Variants in ARHGEF33 observed in about 807,000 individuals in gnomAD.
ARHGEF33 encodes the protein Rho guanine nucleotide exchange factor 33, also known as DH and coiled-coil domain-containing protein ENSP00000381780.
In ARHGEF33, 72 loss-of-function variants were observed where a neutral mutation model predicts 101.9. The ratio of observed to expected loss-of-function variants is 0.71; its 90% CI spans 0.58 to 0.86. The LOEUF (loss-of-function observed/expected upper bound fraction) is 0.86, where lower values mean the gene tolerates loss of function less well. Ranked by LOEUF, ARHGEF33 falls within the 40% of genes least tolerant of loss-of-function variation. ARHGEF33 has a pLI of 0.00. For synonymous variants in ARHGEF33, 499 were observed against 442.5 expected, an observed-to-expected ratio of 1.13 and a Z score of -1.60; for missense variants, 1,169 against 1,111.3, an observed-to-expected ratio of 1.05 and a Z score of -0.74.
chr2:38,938,377 A>G (rs75254391), intron 9 of ARHGEF33, among the ~76,000 whole-genome samples: 3,846 of 152,244 alleles, frequency 0.025, 185 homozygotes, highest in African/African-American at 0.088. Context: ...TCTACAAAAA[A>G]TAAAAAAACA....
chr2:38,937,182 GA>G, intron 8 of ARHGEF33, 152 bp from the exon 9 acceptor site: 5 of 584,938 alleles, frequency 8.5e-6, no homozygotes, highest in East Asian at 2.8e-5. Flanking sequence ...TTTTAGTAGA[GA>G]CAGGGTTTCA....
Position 38,943,966 on chromosome 2 carries a change from C to G in ARHGEF33, c.856C>G (p.Leu286Val), listed in dbSNP as rs1357298075. 6.4e-7 allele frequency: 1 copy of G among 1,551,644 alleles called. No homozygotes were observed. Among genetic ancestry groups the G allele is most frequent in the Admixed American group, 2.0e-5 (1 of 50,980 alleles). ...SERKYVINIS[L>V]ILKIKATFQG... ...AAGAAAATATGTCATTAACATCTCT[C>G]TGATCTTGAAGATAAAAGCCACATT... is the stretch of plus-strand genomic sequence containing the variant. Residue 286 changes from leucine (L) to valine (V), a missense_variant, in exon 10 of 18, where the codon CTG becomes GTG. Transcript: ENST00000409978.
At chr2:38,944,678 A>G (rs1260549043) in intron 10 of ARHGEF33, among the ~76,000 whole-genome samples, 1 of 152,278 alleles carries the variant, frequency 6.6e-6, no homozygotes, top group South Asian at 2.1e-4. Context: ...CAAATGCTAC[A>G]GTGAGGGAGG....
At chr2:38,971,252 A>G (rs1002020030) in intron 17 of ARHGEF33, among the ~76,000 whole-genome samples, 13 of 152,060 alleles carry the variant, frequency 8.5e-5, no homozygotes, top group East Asian at 7.7e-4. Context: ...TGAATTTGCT[A>G]TTTTCTTTGT....
At position 38,962,082 on chromosome 2, in the gene ARHGEF33, C is replaced by T. The variant is rs1053520861; in HGVS notation, c.2343+1434C>T. Among the ~76,000 whole-genome samples the T allele has an allele frequency of 2.6e-5, 4 of 152,306 alleles. No individual in the cohort carries two copies. The East Asian group carries it at 5.8e-4, about 22-fold the overall frequency. ...GGACAAAAACATGTAATAGTGTGCT[C>T]AGCTAAAGCTGCTGAGGTTCCCTGG... On this transcript the variant is annotated intron_variant, in intron 16 of 17. Transcript: ENST00000409978.
At chr2:38,915,128 A>G (rs1468818533) in intron 2 of ARHGEF33, among the ~76,000 whole-genome samples, 1 of 152,168 alleles carries the variant, frequency 6.6e-6, no homozygotes, top group African/African-American at 2.4e-5. Flanking sequence ...CTGGGATTAC[A>G]GGCATGAGCC....
chr2:38,940,197 A>G (rs1001129311), intron 9 of ARHGEF33, among the ~76,000 whole-genome samples: 1 of 152,224 alleles, frequency 6.6e-6, no homozygotes, highest in African/African-American at 2.4e-5. Flanking sequence ...AGAACATGGT[A>G]TATCTCTTCA....
chr2:38,939,051 C>T (rs945276304), intron 9 of ARHGEF33, among the ~76,000 whole-genome samples: 1 of 152,266 alleles, frequency 6.6e-6, no homozygotes, highest in East Asian at 1.9e-4. Context: ...TGGCTCCCTG[C>T]AACATCTGCC....
chr2:38,932,124 T>A (rs372152612), intron 7 of ARHGEF33, among the ~76,000 whole-genome samples: 2 of 152,218 alleles, frequency 1.3e-5, no homozygotes, highest in East Asian at 3.9e-4. Context: ...TAATATTTTT[T>A]ATTATCATTT....
Position 38,958,074 on chromosome 2 carries a change from T to C in ARHGEF33, c.1411T>C (p.Cys471Arg). The C allele has an allele frequency of 6.4e-7, 1 of 1,552,256 alleles. No individual in the cohort carries two copies. Among genetic ancestry groups the C allele is most frequent in the South Asian group, 1.2e-5 (1 of 84,064 alleles). ...AKLYKGLASQ[C>R]ANAGQDASPT... is the part of the protein sequence containing the mutation. ...GCTGTACAAAGGGCTGGCTTCCCAGTGTGCCAATGCTGGGCAAGATGCTTC... is the reference window on the plus strand; with the variant it reads ...GCTGTACAAAGGGCTGGCTTCCCAGCGTGCCAATGCTGGGCAAGATGCTTC... The change falls in exon 15 of 18, where the codon TGT (cysteine) becomes CGT (arginine). Residue 471 changes from cysteine (C) to arginine (R), a missense_variant. By Grantham distance (180) the Cys-to-Arg change is radical. Transcript: ENST00000409978.
chr2:38,898,160 C>A (rs1666162501), intron 2 of ARHGEF33, among the ~76,000 whole-genome samples: 1 of 152,044 alleles, frequency 6.6e-6, no homozygotes, highest in African/African-American at 2.4e-5. Context: ...TAGACGAGAC[C>A]ACTTGATTCT....
chr2:38,962,337 T>C (rs192061661), intron 16 of ARHGEF33, among the ~76,000 whole-genome samples: 2 of 152,318 alleles, frequency 1.3e-5, no homozygotes, highest in Admixed American at 1.3e-4. Flanking sequence ...GAACTTTTAT[T>C]TCGTATGTAA....
At chr2:38,939,564 C>T (rs1667248157) in intron 9 of ARHGEF33, among the ~76,000 whole-genome samples, 1 of 152,170 alleles carries the variant, frequency 6.6e-6, no homozygotes, top group African/African-American at 2.4e-5. Context: ...TTTTAATTTG[C>T]AGTTCCCTGG....
At chr2:38,919,546 G>A in intron 3 of ARHGEF33, 74 bp downstream of exon 3, 1 of 1,407,626 alleles carries the variant, frequency 7.1e-7, no homozygotes, top group Admixed American at 2.0e-5. Context: ...TCTTACCACT[G>A]TCTCGAGACA....
In ARHGEF33 at chr2:38,892,694, T is replaced by A. The variant is rs567644056; in HGVS notation, c.-159+2708T>A. On this transcript the variant is annotated intron_variant, in intron 1 of 17. Coordinates refer to ENST00000409978, the MANE Select transcript of ARHGEF33 (RefSeq NM_001145451.5). ...TGGTTCAAATAAGTTAGAGTAATTT[T>A]AAAAATTATCTTATGACATATTTCC... Among the ~76,000 whole-genome samples the A allele has an allele frequency of 5.3e-5, 8 of 152,314 alleles. No individual in the cohort carries two copies. In the East Asian group the frequency reaches 1.5e-3, roughly 29 times the overall value.
At chr2:38,904,163 A>G (rs960469160) in intron 2 of ARHGEF33, among the ~76,000 whole-genome samples, 1 of 152,196 alleles carries the variant, frequency 6.6e-6, no homozygotes, top group Non-Finnish European at 1.5e-5. Flanking sequence ...TTCCCATTGG[A>G]TTGAAGGGGG....
intron 2 of ARHGEF33, among the ~76,000 whole-genome samples, chr2:38,897,823 G>A (rs187763393): frequency 9.7e-4 from 148 of 152,328 alleles, no homozygotes; most frequent in Non-Finnish European, 1.4e-3. Context: ...ATTGAAGGAC[G>A]CTAGGAGTTT....
At chr2:38,953,327 G>T (rs958472326) in intron 12 of ARHGEF33, 82 bp downstream of exon 12, 1 of 817,854 alleles carries the variant, frequency 1.2e-6, no homozygotes, top group Admixed American at 2.0e-5. Context: ...TCAATACAGC[G>T]CATGCACTGT....
At chr2:38,933,651 A>G (rs995772652) in intron 7 of ARHGEF33, among the ~76,000 whole-genome samples, 1 of 152,202 alleles carries the variant, frequency 6.6e-6, no homozygotes, top group Non-Finnish European at 1.5e-5. Context: ...CTGGGATTAC[A>G]GGTGTGAGGC....
Sources: allele counts gnomAD v4.1 joint callset (sites outside exome capture counted in the v4.1 genomes callset), GRCh38; gene constraint gnomAD v4.1.1; transcripts MANE v1.5; gene names NCBI Gene and HGNC (gene_info 2026-07-23, HGNC 2026-07-21).